The following TRPM1 variants were observed in gnomAD, a reference collection of about 807,000 sequenced individuals.
The protein encoded by TRPM1 is TRPM1-203 APA Isoform, Intron 10.
Under a neutral mutation model 149.4 loss-of-function variants are expected in TRPM1, and 113 were observed. That is an observed-to-expected ratio of 0.76 (90% CI 0.65 to 0.88). The LOEUF is 0.88. Among genes scored for constraint, TRPM1 ranks in the 40% least tolerant of loss-of-function variants. TRPM1 has a pLI of 0.00. For synonymous variants in TRPM1, 741 were observed against 759.5 expected (o/e 0.98, Z 0.40); for missense variants, 1,976 against 2,038.7 (o/e 0.97, Z 0.59).
At chr15:31,048,296 T>C (rs1299230511) in intron 13 of TRPM1, among the ~76,000 whole-genome samples, 2 of 152,144 alleles carry the variant, frequency 1.3e-5, no homozygotes, top group East Asian at 3.8e-4. Context: ...AATAAGTTTT[T>C]TTCTTGAACT....
intron 1 of TRPM1, among the ~76,000 whole-genome samples, chr15:31,123,818 A>C (rs917499355): frequency 1.3e-5 from 2 of 152,258 alleles, no homozygotes; most frequent in East Asian, 3.8e-4. Flanking sequence ...CTTATGATCC[A>C]GAAAATGGGC....
chr15:31,151,018 G>A (rs115171622), intron 1 of TRPM1, among the ~76,000 whole-genome samples: 1,697 of 152,212 alleles, frequency 0.011, 34 homozygotes, highest in African/African-American at 0.039. Flanking sequence ...AGCCCACATT[G>A]GTTTCTTGTA....
chr15:31,135,630 G>A (rs2036077770), intron 1 of TRPM1, among the ~76,000 whole-genome samples: 1 of 151,940 alleles, frequency 6.6e-6, no homozygotes, highest in African/African-American at 2.4e-5. Flanking sequence ...GGCCTAGTGG[G>A]AGGTGTTTGC....
chr15:31,111,036 C>G (rs1467835102), intron 1 of TRPM1, among the ~76,000 whole-genome samples: 1 of 151,032 alleles, frequency 6.6e-6, no homozygotes, highest in African/African-American at 2.4e-5. Context: ...TTTTTTGTTT[C>G]TTTGTTTTAA....
chr15:31,006,397 C>G (rs771528475), intron 27 of TRPM1, among the ~76,000 whole-genome samples: 1 of 152,090 alleles, frequency 6.6e-6, no homozygotes, highest in African/African-American at 2.4e-5. Flanking sequence ...AGGCTGGCCT[C>G]GAACTCCTGA....
intron 1 of TRPM1, among the ~76,000 whole-genome samples, chr15:31,090,990 A>G (rs534430370): frequency 2.6e-5 from 4 of 152,370 alleles, no homozygotes; most frequent in East Asian, 1.9e-4. Flanking sequence ...TTCAAGCCCA[A>G]TGTCTAGCAG....
chr15:31,002,645 G>C lies in TRPM1; in HGVS notation c.4055C>G (p.Thr1352Arg). 6.2e-7 allele frequency: 1 copy of C among 1,614,194 alleles called. No homozygotes were observed. Among genetic ancestry groups the C allele is most frequent in the Non-Finnish European group, 8.5e-7 (1 of 1,180,036 alleles). ...GCCATCTGGGGTTGCTGATGTGCTT[G>C]TGCCCAGTGAAAGGTGAAGACTGTT... is the stretch of plus-strand genomic sequence containing the variant. ...CQNSLHLSLG[T>R]STSATPDGSH... Residue 1352 changes from threonine to arginine, a missense_variant, in exon 28 of 28, where the codon ACA (threonine) becomes AGA (arginine). Transcript: ENST00000256552.
chr15:31,109,589 A>G (rs1596077608), intron 1 of TRPM1, among the ~76,000 whole-genome samples: 1 of 149,700 alleles, frequency 6.7e-6, no homozygotes, highest in East Asian at 2.0e-4. Context: ...AATCCCAGCT[A>G]TTATGGAGGC....
chr15:31,052,639 G>A (rs2033976575), intron 11 of TRPM1, among the ~76,000 whole-genome samples: 1 of 152,118 alleles, frequency 6.6e-6, no homozygotes, highest in South Asian at 2.1e-4. Context: ...GCTGGACATG[G>A]TGGTGGGTGC....
At chr15:31,025,231 T>C (rs2032683564) in intron 27 of TRPM1, among the ~76,000 whole-genome samples, 1 of 152,218 alleles carries the variant, frequency 6.6e-6, no homozygotes, top group Non-Finnish European at 1.5e-5. Context: ...TCTGGCCACG[T>C]TGTTAGTGAA....
intron 1 of TRPM1, among the ~76,000 whole-genome samples, chr15:31,131,893 C>G (rs1282710692): frequency 6.7e-6 from 1 of 149,216 alleles, no homozygotes; most frequent in Non-Finnish European, 1.5e-5. Context: ...TTTTTTTCCT[C>G]ACATACTAAA....
intron 11 of TRPM1, among the ~76,000 whole-genome samples, chr15:31,059,658 C>T (rs1008610873): frequency 3.3e-5 from 5 of 152,114 alleles, no homozygotes; most frequent in African/African-American, 4.8e-5. Context: ...CCTCCCAAAT[C>T]GGCCTCCCAA....
At chr15:31,041,255 C>T (rs1205786009) in intron 17 of TRPM1, among the ~76,000 whole-genome samples, 7 of 151,916 alleles carry the variant, frequency 4.6e-5, no homozygotes, top group South Asian at 4.2e-4. Context: ...CCTGGGTCCA[C>T]GCCTTTCTCC....
At chr15:31,057,142 G>A (rs1465414856) in intron 11 of TRPM1, among the ~76,000 whole-genome samples, 5 of 152,106 alleles carry the variant, frequency 3.3e-5, no homozygotes, top group Admixed American at 3.3e-4. Flanking sequence ...GAACTCATGG[G>A]GCTTTGAAAG....
At chr15:31,061,628 A>G in intron 9 of TRPM1, 114 bp from the exon 10 acceptor site, 2 of 849,776 alleles carry the variant, frequency 2.4e-6, no homozygotes, top group South Asian at 1.4e-5. Flanking sequence ...CCTGAGCACT[A>G]AACAGTTTCA....
Position 31,049,390 on chromosome 15 carries a change from C to T in TRPM1, c.1557G>A (p.Glu519=), listed in dbSNP as rs758515250. 1.2e-5 allele frequency: 20 copies of T among 1,614,090 alleles called. No homozygotes were observed. The highest frequency in any genetic ancestry group is 8.5e-7 in the Non-Finnish European group (1 of 1,180,042). Reference sequence around the variant, plus strand: ...GAGCACTCACTGTGTTATAAAGCTCCTCCAGCCTCGGAATGGTCAGAAAGT... The same window carrying T: ...GAGCACTCACTGTGTTATAAAGCTCTTCCAGCCTCGGAATGGTCAGAAAGT... ...MQHFLTIPRL[E]ELYNTRLGPP... is the part of the protein sequence containing the mutation. The change falls in exon 13 of 28, where the codon GAG becomes GAA. Residue 519 remains glutamate (E), a synonymous_variant. Transcript: ENST00000256552.
At chr15:31,065,937 A>T in intron 7 of TRPM1, 139 bp downstream of exon 7, 2 of 1,025,872 alleles carry the variant, frequency 1.9e-6, no homozygotes, top group Non-Finnish European at 2.9e-6. Context: ...TAAGACATCT[A>T]GGTGAGTCAT....
chr15:31,063,859 C>G (rs1395144322), intron 7 of TRPM1, among the ~76,000 whole-genome samples: 1 of 152,150 alleles, frequency 6.6e-6, no homozygotes, highest in Non-Finnish European at 1.5e-5. Context: ...CCTGAATAAC[C>G]CACCCACCTG....
rs764091956 is a variant in TRPM1 at position 31,002,609 on chromosome 15, G to A, written c.4091C>T (p.Ala1364Val). Residue 1364 changes from alanine (A) to valine (V), a missense_variant, in exon 28 of 28, where the codon GCA becomes GTA. By Grantham distance (64) the Ala-to-Val change is moderately conservative. Around this residue, in one of 3 missense-constraint regions of TRPM1, gnomAD observed 572 missense variants for 578.9 expected, o/e 0.99. Coordinates refer to ENST00000256552, the MANE Select transcript of TRPM1 (RefSeq NM_001252024.2). Reference protein sequence around the residue: ...TSATPDGSHLAVDDLKNAEES... With the variant: ...TSATPDGSHLVVDDLKNAEES... ...TTCAGCGTTCTTTAAGTCATCTACT[G>A]CAAGGTGACTGCCATCTGGGGTTGC... The A allele has an allele frequency of 1.2e-6, 2 of 1,614,134 alleles. No homozygotes were observed. The highest frequency in any genetic ancestry group is 4.5e-5 in the East Asian group (2 of 44,886).
Sources: allele counts gnomAD v4.1 joint callset (sites outside exome capture counted in the v4.1 genomes callset), GRCh38; gene constraint gnomAD v4.1.1; regional missense constraint gnomAD v4.1.1; transcripts MANE v1.5; gene names NCBI Gene and HGNC (gene_info 2026-07-23, HGNC 2026-07-21).